Variants in HAGH observed in about 807,000 individuals in gnomAD.
The protein encoded by HAGH is hydroxyacylglutathione hydrolase, mitochondrial.
Under a neutral mutation model 35.1 loss-of-function variants are expected in HAGH, and 29 were observed. The ratio of observed to expected loss-of-function variants is 0.83; its 90% confidence interval spans 0.62 to 1.13. The LOEUF (loss-of-function observed/expected upper bound fraction) is 1.13, where lower values mean the gene tolerates loss of function less well. Ranked by LOEUF, HAGH falls within the 50% of genes most tolerant of loss-of-function variation. The pLI is 0.00. For missense variants in HAGH, 478 were observed against 419.6 expected (o/e 1.14, Z -1.22); for synonymous variants, 225 against 176.1 (o/e 1.28, Z -2.20).
At position 1,809,370 on chromosome 16, in the gene HAGH, C is replaced by A; in HGVS notation, c.840G>T (p.Val280=). The A allele has an allele frequency of 1.2e-6, 2 of 1,611,432 alleles. No individual in the cohort carries two copies. The highest frequency in any genetic ancestry group is 1.7e-6 in the Non-Finnish European group (2 of 1,179,760). ...GGTCCGTCTCACCTGCGTGCTGCTG[C>A]ACCGTCTTCTCCCTGCGGAGGCCAG... ...NPFMRVREKT[V]QQHAGETDPV... The change falls in exon 9 of 9, where the codon GTG becomes GTT. Residue 280 remains valine, a synonymous_variant. Coordinates refer to ENST00000397356, the MANE Select transcript of HAGH (RefSeq NM_005326.6).
chr16:1,821,339 C>T (rs1477307520), intron 3 of HAGH, among the ~76,000 whole-genome samples: 2 of 152,284 alleles, frequency 1.3e-5, no homozygotes, highest in South Asian at 2.1e-4. Flanking sequence ...GCTCCCACCA[C>T]CAAGGAGAGG....
At chr16:1,822,124 C>T (rs1898178623) in intron 3 of HAGH, 176 bp downstream of exon 3, 3 of 604,792 alleles carry the variant, frequency 5.0e-6, no homozygotes, top group Admixed American at 5.0e-5. Context: ...TCACTGAGCA[C>T]CAGACTTGCC....
chr16:1,816,768 G>A, intron 7 of HAGH, 125 bp downstream of exon 7: 1 of 674,510 alleles, frequency 1.5e-6, no homozygotes, highest in South Asian at 1.7e-5. Context: ...GGCCACACTG[G>A]CCTGAATCCC....
chr16:1,815,909 C>G (rs1360088063), intron 7 of HAGH, among the ~76,000 whole-genome samples: 1 of 149,272 alleles, frequency 6.7e-6, no homozygotes, highest in Non-Finnish European at 1.5e-5. Flanking sequence ...ATCCCAGCTA[C>G]TCAAGAGGCT....
upstream of HAGH, chr16:1,827,062 C>A: frequency 1.0e-6 from 1 of 965,496 alleles, no homozygotes; most frequent in Non-Finnish European, 1.5e-6. Flanking sequence ...TTTGGCACCG[C>A]ACAGTGGATC....
At chr16:1,816,614 C>T (rs934156336) in intron 7 of HAGH, among the ~76,000 whole-genome samples, 6 of 152,250 alleles carry the variant, frequency 3.9e-5, no homozygotes, top group Non-Finnish European at 7.3e-5. Flanking sequence ...AGCAGAGCCA[C>T]GTGCTGCCAG....
At position 1,808,737 on chromosome 16, in the gene HAGH, T is replaced by TC. The variant is rs1278452304; in HGVS notation, c.*545dup. On this transcript the variant is annotated 3_prime_UTR_variant, in exon 9 of 9. Transcript: ENST00000397356. ...TCCCGGGGTCACAGGCCGAGAGCAC[T>TC]CCCCAGCTGGCTGCTTCCCCAGAGG... 6.6e-6 allele frequency: 1 copy of TC among 152,472 alleles called. No individual in the cohort carries two copies. The highest frequency in any genetic ancestry group is 6.5e-5 in the Admixed American group (1 of 15,290). The allele number at this position is 152,472 out of a possible 1,614,324, so 9.4% of individuals were successfully genotyped here.
At chr16:1,812,673 G>A (rs989392986) in intron 7 of HAGH, among the ~76,000 whole-genome samples, 2 of 152,076 alleles carry the variant, frequency 1.3e-5, no homozygotes, top group Non-Finnish European at 2.9e-5. Context: ...TTGACCTTGG[G>A]ATAAACAAAG....
rs1241288738 is a variant in HAGH, at chr16:1,819,743, T to TA, written c.432+153dup. On this transcript the variant is annotated intron_variant, in intron 4 of 8. Transcript: ENST00000397356. ...TTTTGCACACTCCTCTCCTTGTGCC[T>TA]AGACAGAGAAGACCATCCACGCTGC... is the stretch of plus-strand genomic sequence containing the variant. 1.2e-5 allele frequency: 8 copies of TA among 657,724 alleles called. No homozygotes were observed. In the African/African-American group the frequency reaches 1.5e-4, roughly 12 times the overall value. The allele number at this position is 657,724 out of a possible 1,614,324, so 40.7% of individuals were successfully genotyped here.
intron 3 of HAGH, chr16:1,821,489 C>T (rs1006181909): frequency 6.6e-6 from 1 of 152,286 alleles, no homozygotes; most frequent in Non-Finnish European, 1.5e-5. Context: ...AGAAGTAAGT[C>T]TCTCTAGCTT....
At chr16:1,822,579 C>T (rs375411623) in intron 2 of HAGH, among the ~76,000 whole-genome samples, 10 of 152,150 alleles carry the variant, frequency 6.6e-5, no homozygotes, top group African/African-American at 2.4e-4. Flanking sequence ...CACCTACGAC[C>T]GCTCCAAGCC....
chr16:1,818,885 C>T (rs1230016915), intron 5 of HAGH: 2 of 555,068 alleles, frequency 3.6e-6, no homozygotes, highest in African/African-American at 3.8e-5. Context: ...GTCCAGCAGT[C>T]TCCGCCAGCA....
In HAGH at chr16:1,814,111, C is replaced by T. The variant is rs530283114; in HGVS notation, c.747+2782G>A. 2.0e-5 allele frequency among the ~76,000 whole-genome samples: 3 copies of T among 152,276 alleles called. No individual in the cohort carries two copies. The South Asian group carries it at 6.2e-4, about 32-fold the overall frequency. On this transcript the variant is annotated intron_variant, in intron 7 of 8. Transcript: ENST00000397356. Reference sequence around the variant, plus strand: ...AGACTTTAAAACTTCTAGGAAGAAACACAGGAGAAAGTCTTTGTGAGCTAA... The same window carrying T: ...AGACTTTAAAACTTCTAGGAAGAAATACAGGAGAAAGTCTTTGTGAGCTAA...
intron 7 of HAGH, among the ~76,000 whole-genome samples, chr16:1,814,954 CACAT>C (rs1567254743): frequency 8.0e-6 from 1 of 124,322 alleles, no homozygotes; most frequent in Admixed American, 7.2e-5. Flanking sequence ...CACACACACA[CACAT>C]ATATATATAT....
intron 1 of HAGH, among the ~76,000 whole-genome samples, chr16:1,826,201 G>T (rs1567265635): frequency 6.6e-6 from 1 of 151,930 alleles, no homozygotes; most frequent in Non-Finnish European, 1.5e-5. Context: ...CCGGGGCGCT[G>T]GCCTGGCCCG....
At chr16:1,816,278 A>C (rs998752375) in intron 7 of HAGH, among the ~76,000 whole-genome samples, 1 of 151,938 alleles carries the variant, frequency 6.6e-6, no homozygotes, top group African/African-American at 2.4e-5. Context: ...TGCATGAGTA[A>C]ATACTGTAAA....
At chr16:1,815,082 G>T (rs1171438736) in intron 7 of HAGH, among the ~76,000 whole-genome samples, 1 of 151,746 alleles carries the variant, frequency 6.6e-6, no homozygotes, top group East Asian at 1.9e-4. Context: ...TCATGAGAAG[G>T]CATCCAAAGG....
intron 1 of HAGH, among the ~76,000 whole-genome samples, chr16:1,825,209 T>C (rs536337556): frequency 2.4e-4 from 36 of 152,206 alleles, no homozygotes; most frequent in Middle Eastern, 3.4e-3. Context: ...TCCCAGCTAC[T>C]CAGGAGGCTG....
chr16:1,818,966 C>G (rs1898025296), intron 5 of HAGH, 149 bp downstream of exon 5: 2 of 610,846 alleles, frequency 3.3e-6, no homozygotes, highest in East Asian at 5.6e-5. Flanking sequence ...ATCGGCCAGC[C>G]CCACCATGAG....
Sources: allele counts gnomAD v4.1 joint callset (sites outside exome capture counted in the v4.1 genomes callset), GRCh38; gene constraint gnomAD v4.1.1; transcripts MANE v1.5; gene names NCBI Gene and HGNC (gene_info 2026-07-23, HGNC 2026-07-21).